CEP192: variants seen among roughly 807,000 people sequenced by gnomAD.
CEP192 encodes the protein centrosomal protein of 192 kDa.
CEP192 carries 151 observed loss-of-function variants against 271.8 expected under a neutral mutation model. That is an observed-to-expected ratio of 0.56 (90% CI 0.49 to 0.64). The LOEUF (loss-of-function observed/expected upper bound fraction) is 0.64. CEP192 is among the 30% of genes least tolerant of loss of function. The probability of loss-of-function intolerance (pLI) is 0.00; values close to 1 mark genes in which losing one functional copy is unlikely to be tolerated. For missense variants in CEP192, 2,910 were observed against 3,020.5 expected, an observed-to-expected ratio of 0.96 and a Z score of 0.86; for synonymous variants, 995 against 1,076.5, an observed-to-expected ratio of 0.92 and a Z score of 1.48.
At chr18:13,041,692 G>A (rs1327522594) in intron 14 of CEP192, among the ~76,000 whole-genome samples, 4 of 151,444 alleles carry the variant, frequency 2.6e-5, no homozygotes, top group Non-Finnish European at 5.9e-5. Context: ...AGCCTCCCGA[G>A]TAGCTGGAAT....
rs767313840 is a variant in CEP192 at position 13,053,020 on chromosome 18, T to C, written c.3119T>C (p.Leu1040Pro). ...LVCSPAGVSR[L>P]TYVSEPESSY... ...TGCTCGCCTGCTGGGGTGAGCAGGC[T>C]GACGTATGTGTCTGAACCAGAGAGC... The change falls in exon 18 of 45, where the codon CTG (leucine) becomes CCG (proline). Residue 1040 changes from leucine (L) to proline (P), a missense_variant. Leu to Pro is a moderately conservative substitution (Grantham distance 98). Coordinates refer to ENST00000506447, the MANE Select transcript of CEP192 (RefSeq NM_032142.4). The C allele has an allele frequency of 8.1e-6, 13 of 1,613,960 alleles. No homozygotes were observed. Among genetic ancestry groups the C allele is most frequent in the Non-Finnish European group, 1.1e-5 (13 of 1,179,890 alleles).
chr18:12,999,828 AT>A (rs36207281), intron 2 of CEP192, among the ~76,000 whole-genome samples: 13,557 of 123,838 alleles, frequency 0.11, 1,155 homozygotes, highest in African/African-American at 0.23. Flanking sequence ...ATTTCGGTCT[AT>A]TTTTTTTTTT....
At chr18:13,052,190 T>C (rs1458644190) in intron 17 of CEP192, among the ~76,000 whole-genome samples, 1 of 152,218 alleles carries the variant, frequency 6.6e-6, no homozygotes, top group Non-Finnish European at 1.5e-5. Flanking sequence ...CAGATAGATG[T>C]GAGACTCACT....
chr18:13,113,550 C>T, intron 40 of CEP192, 36 bp from the exon 41 acceptor site: 1 of 1,602,502 alleles, frequency 6.2e-7, no homozygotes, highest in Non-Finnish European at 8.5e-7. Context: ...GTTTAATGAT[C>T]AGTGTCTAAA....
At chr18:13,073,881 T>G (rs939090194) in intron 30 of CEP192, among the ~76,000 whole-genome samples, 1 of 152,224 alleles carries the variant, frequency 6.6e-6, no homozygotes, top group Non-Finnish European at 1.5e-5. Context: ...CATCACCGTT[T>G]AGACCATACC....
intron 32 of CEP192, among the ~76,000 whole-genome samples, chr18:13,088,427 C>T (rs558527498): frequency 6.6e-6 from 1 of 152,274 alleles, no homozygotes; most frequent in East Asian, 1.9e-4. Flanking sequence ...GTGACAGAGC[C>T]AGACCTCTCT....
chr18:13,048,100 G>A (rs1272613304), intron 15 of CEP192, among the ~76,000 whole-genome samples: 1 of 152,102 alleles, frequency 6.6e-6, no homozygotes, highest in Non-Finnish European at 1.5e-5. Context: ...TAATACAGTA[G>A]CCTGCTCTTT....
chr18:13,098,526 C>T (rs2039534632), intron 36 of CEP192, among the ~76,000 whole-genome samples: 1 of 150,856 alleles, frequency 6.6e-6, no homozygotes, highest in Non-Finnish European at 1.5e-5. Flanking sequence ...CAGAGGCGCT[C>T]CTCACATCCC....
chr18:13,121,428 C>T, intron 44 of CEP192, among the ~76,000 whole-genome samples: 1 of 152,178 alleles, frequency 6.6e-6, no homozygotes, highest in South Asian at 2.1e-4. Flanking sequence ...GTGGCTGCTC[C>T]TTACAGGCTG....
At chr18:13,030,359 C>G in intron 10 of CEP192, 106 bp from the exon 11 acceptor site, 1 of 963,878 alleles carries the variant, frequency 1.0e-6, no homozygotes, top group South Asian at 2.0e-5. Flanking sequence ...AACTTCAGTA[C>G]TGTTGATAAC....
In CEP192 at chr18:13,048,848, C is replaced by T. The variant is rs751333952; in HGVS notation, c.2068-11C>T. Reference sequence around the variant, plus strand: ...GTAAATTTATCTGATGTTTAATTTTCTCACTTCTAGGACACTTTCTTCATG... The same window carrying T: ...GTAAATTTATCTGATGTTTAATTTTTTCACTTCTAGGACACTTTCTTCATG... On this transcript the variant is annotated splice_polypyrimidine_tract_variant and intron_variant, in intron 15 of 44. Transcript: ENST00000506447. The T allele has an allele frequency of 6.5e-7, 1 of 1,533,802 alleles. No individual in the cohort carries two copies. Among genetic ancestry groups the T allele is most frequent in the African/African-American group, 1.4e-5 (1 of 71,910 alleles).
At chr18:13,101,842 T>C (rs1264600023) in intron 38 of CEP192, among the ~76,000 whole-genome samples, 1 of 152,070 alleles carries the variant, frequency 6.6e-6, no homozygotes, top group African/African-American at 2.4e-5. Context: ...TTTTGTGCTC[T>C]CTCCCAGCCC....
chr18:13,018,546 G>A lies in CEP192; in HGVS notation c.856G>A (p.Asp286Asn), dbSNP rs956353932. Reference sequence around the variant, plus strand: ...AAATAACAGCTCTCTGATTTCCCTCGACTCACACTCTTCTGAAACAACTCA... The same window carrying A: ...AAATAACAGCTCTCTGATTTCCCTCAACTCACACTCTTCTGAAACAACTCA... ...SENNSSLISL[D>N]SHSSETTHKE... Residue 286 changes from aspartate to asparagine, a missense_variant, in exon 8 of 45, where the codon GAC becomes AAC. By Grantham distance (23) the Asp-to-Asn change is conservative (BLOSUM62 1). Transcript: ENST00000506447. The A allele has an allele frequency of 6.5e-6, 10 of 1,540,542 alleles. No individual in the cohort carries two copies. Among genetic ancestry groups the A allele is most frequent in the South Asian group, 4.8e-5 (4 of 82,736 alleles).
chr18:13,059,079 A>G lies in CEP192; in HGVS notation c.4258-3A>G. The G allele has an allele frequency of 2.5e-6, 4 of 1,600,436 alleles. No homozygotes were observed. The highest frequency in any genetic ancestry group is 3.4e-6 in the Non-Finnish European group (4 of 1,168,370). On this transcript the variant is annotated splice_polypyrimidine_tract_variant and splice_region_variant and intron_variant, in intron 20 of 44. Transcript: ENST00000506447. ...TAACGAACTTTATGGCTCTTTTTTGAAGGTGGATCTTTCAACATATCGTTG... is the reference window on the plus strand; with the variant it reads ...TAACGAACTTTATGGCTCTTTTTTGGAGGTGGATCTTTCAACATATCGTTG...
rs2040305079 is a variant in CEP192, at chr18:13,113,612, T to TA, written c.7075dup (p.Arg2359LysfsTer11). ...TCTCCATCACATTTTTGCCCAGAGGTAGGGGGGATTATGCCCAGTTTTGGG... is the reference window on the plus strand; with the variant it reads ...TCTCCATCACATTTTTGCCCAGAGGTAAGGGGGGATTATGCCCAGTTTTGGG... On this transcript the variant is annotated frameshift_variant, in exon 41 of 45. Transcript: ENST00000506447. LOFTEE classifies it high-confidence loss of function. The TA allele has an allele frequency of 6.2e-7, 1 of 1,613,194 alleles. No individual in the cohort carries two copies. Among genetic ancestry groups the TA allele is most frequent in the African/African-American group, 1.3e-5 (1 of 74,884 alleles).
At chr18:13,100,679 T>C (rs1357372699) in intron 38 of CEP192, among the ~76,000 whole-genome samples, 167 bp downstream of exon 38, 2 of 152,230 alleles carry the variant, frequency 1.3e-5, no homozygotes, top group Non-Finnish European at 2.9e-5. Context: ...ATCTGAACAA[T>C]CTTAAAATGT....
intron 18 of CEP192, 86 bp downstream of exon 18, chr18:13,053,176 C>A (rs2036895968): frequency 4.5e-6 from 5 of 1,106,292 alleles, no homozygotes; most frequent in South Asian, 3.7e-5. Flanking sequence ...ACAGTTCAAG[C>A]CTATATAACT....
intron 3 of CEP192, 39 bp downstream of exon 3, chr18:13,001,621 G>A (rs1262796766): frequency 1.3e-6 from 2 of 1,516,410 alleles, no homozygotes; most frequent in Non-Finnish European, 1.8e-6. Context: ...TGTGTTAAAA[G>A]TGGGTCTTAC....
intron 33 of CEP192, among the ~76,000 whole-genome samples, chr18:13,090,710 GA>G (rs2039100909): frequency 6.6e-6 from 1 of 152,016 alleles, no homozygotes; most frequent in Non-Finnish European, 1.5e-5. Flanking sequence ...CAGAGCAAAG[GA>G]AAAAAACCTT....
Sources: gnomAD v4.1 joint callset for allele counts (sites outside exome capture counted in the v4.1 genomes callset) on GRCh38, gnomAD v4.1.1 for gene constraint, MANE v1.5 for transcripts, NCBI Gene and HGNC (gene_info 2026-07-23, HGNC 2026-07-21) for gene names.